Variants in PAIP1 observed in about 807,000 individuals in gnomAD.
PAIP1 encodes poly(A) binding protein interacting protein 1.
PAIP1 carries 16 observed loss-of-function variants against 61.3 expected under a neutral mutation model. The observed-to-expected ratio is 0.26, with a 90% CI of 0.18 to 0.40. The LOEUF is 0.40. Among genes scored for constraint, PAIP1 ranks in the 10% least tolerant of loss-of-function variants. The pLI is 1.00. For synonymous variants in PAIP1, 187 were observed against 226.2 expected, an observed-to-expected ratio of 0.83 and a Z score of 1.56; for missense variants, 416 against 600.9, an observed-to-expected ratio of 0.69 and a Z score of 3.22.
At position 43,556,050 on chromosome 5, in the gene PAIP1, G is replaced by C. The variant is rs974555981; in HGVS notation, c.266-51C>G. The C allele has an allele frequency of 3.8e-6, 6 of 1,576,654 alleles. No homozygotes were observed. The Admixed American group carries it at 9.3e-5, about 25-fold the overall frequency. On this transcript the variant is annotated intron_variant, in intron 1 of 10. Coordinates refer to ENST00000306846, the MANE Select transcript of PAIP1 (RefSeq NM_006451.5). The stretch of plus-strand genomic sequence containing the variant: ...TCAGATGCATTCTTTCCTTTGTACA[G>C]CAACTTGCTATATACTGAAAAACCA...
intron 9 of PAIP1, among the ~76,000 whole-genome samples, chr5:43,533,152 T>C (rs1226649889): frequency 1.3e-5 from 2 of 152,150 alleles, no homozygotes; most frequent in Non-Finnish European, 2.9e-5. Context: ...AGGAAACAAA[T>C]GGAAAAATTC....
At chr5:43,536,771 A>C (rs926289444) in intron 6 of PAIP1, 48 bp downstream of exon 6, 16 of 1,002,686 alleles carry the variant, frequency 1.6e-5, no homozygotes, top group Non-Finnish European at 2.3e-5. Flanking sequence ...CCTTCCTCTA[A>C]ATCATAAGTA....
chr5:43,539,385 C>G (rs1338198679), intron 4 of PAIP1, among the ~76,000 whole-genome samples: 1 of 151,826 alleles, frequency 6.6e-6, no homozygotes, highest in African/African-American at 2.4e-5. Flanking sequence ...TAAGAAAGCA[C>G]TGATTTTACC....
intron 1 of PAIP1, chr5:43,556,290 C>T: frequency 1.6e-6 from 2 of 1,267,294 alleles, no homozygotes; most frequent in South Asian, 3.1e-5. Flanking sequence ...TCGCTAGGGT[C>T]TCGCTTTAGA....
In PAIP1 at chr5:43,555,988, G is replaced by T. The variant is rs767785421; in HGVS notation, c.277C>A (p.Pro93Thr). The T allele has an allele frequency of 4.3e-6, 7 of 1,611,262 alleles. No homozygotes were observed. In the African/African-American group the frequency reaches 9.4e-5, roughly 22 times the overall value. Residue 93 changes from proline (P) to threonine (T), a missense_variant, in exon 2 of 11, where the codon CCC becomes ACC. Around this residue, in one of 4 missense-constraint regions of PAIP1, gnomAD observed 180 missense variants for 211.2 expected, o/e 0.85. Coordinates refer to ENST00000306846, the MANE Select transcript of PAIP1 (RefSeq NM_006451.5). ...TGTGAACTAGGTGGAGCTCTCAGGG[G>T]CCTCGTTTGCTCTGCAAAAGAAAAA... ...RPGALPEQTR[P>T]LRAPPSSQDK... is the part of the protein sequence containing the mutation.
At chr5:43,556,243 G>C (rs990089955) in intron 1 of PAIP1, 2 of 1,283,464 alleles carry the variant, frequency 1.6e-6, no homozygotes, top group African/African-American at 1.5e-5. Flanking sequence ...TTTCCTCTCT[G>C]TCGTTTTAAA....
At chr5:43,548,099 A>G (rs1747718228) in intron 2 of PAIP1, among the ~76,000 whole-genome samples, 186 bp from the exon 3 acceptor site, 1 of 152,242 alleles carries the variant, frequency 6.6e-6, no homozygotes, top group Non-Finnish European at 1.5e-5. Flanking sequence ...TATAATTAAC[A>G]GCAGAAAGGT....
Position 43,533,773 on chromosome 5 carries a change from G to GTA in PAIP1, c.1215_1216dup (p.Thr406IlefsTer58), listed in dbSNP as rs1561229063. On this transcript the variant is annotated frameshift_variant, in exon 9 of 11. Transcript: ENST00000306846. LOFTEE classifies it high-confidence loss of function. The stretch of plus-strand genomic sequence containing the variant: ...TGCAGTGAAAGGAACACCATCAGAT[G>GTA]TATAAAATGTTGGTTCATTCTAGGA... The GTA allele has an allele frequency of 6.3e-7, 1 of 1,580,750 alleles. No individual in the cohort carries two copies. The highest frequency in any genetic ancestry group is 8.7e-7 in the Non-Finnish European group (1 of 1,149,590).
intron 2 of PAIP1, 35 bp from the exon 3 acceptor site, chr5:43,547,948 A>G (rs2111574763): frequency 1.4e-6 from 2 of 1,423,528 alleles, no homozygotes; most frequent in Non-Finnish European, 2.0e-6. Flanking sequence ...ATTTTAATCT[A>G]TGCAACTGGC....
chr5:43,542,867 TA>T, intron 4 of PAIP1, 136 bp downstream of exon 4: 1 of 484,510 alleles, frequency 2.1e-6, no homozygotes, highest in East Asian at 3.4e-5. Context: ...TACTGAACTA[TA>T]AACTTCAAAT....
At chr5:43,531,642 G>A (rs1425546292) in intron 9 of PAIP1, among the ~76,000 whole-genome samples, 3 of 52,400 alleles carry the variant, frequency 5.7e-5, no homozygotes, top group Non-Finnish European at 1.4e-4. Context: ...GGGTAACAGA[G>A]TGAGACTCTG....
chr5:43,542,121 A>G (rs1747438460), intron 4 of PAIP1, among the ~76,000 whole-genome samples: 1 of 151,362 alleles, frequency 6.6e-6, no homozygotes, highest in South Asian at 2.1e-4. Context: ...GGTTGCAGTG[A>G]GCCAAGACTG....
In PAIP1 at chr5:43,556,617, C is replaced by T; in HGVS notation, c.230G>A (p.Ser77Asn). Residue 77 changes from serine (S) to asparagine (N), a missense_variant, in exon 1 of 11, where the codon AGC becomes AAC. By Grantham distance (46) the Ser-to-Asn change is conservative. Coordinates refer to ENST00000306846, the MANE Select transcript of PAIP1 (RefSeq NM_006451.5). ...PPGAQCEVPA[S>N]PQRPSRPGAL... Reference sequence around the variant, plus strand: ...CCCGGGCCGGGAAGGCCGCTGGGGGCTGGCGGGGACCTCGCACTGGGCCCC... The same window carrying T: ...CCCGGGCCGGGAAGGCCGCTGGGGGTTGGCGGGGACCTCGCACTGGGCCCC... The T allele has an allele frequency of 3.2e-6, 4 of 1,257,012 alleles. No homozygotes were observed. Among genetic ancestry groups the T allele is most frequent in the Non-Finnish European group, 3.0e-6 (3 of 998,264 alleles). 77.9% of individuals were successfully genotyped at this position (1,257,012 alleles called of 1,614,324 possible). A position where few individuals can be genotyped will look rare whatever the true frequency, so the allele number is the denominator to read the frequency against.
At chr5:43,556,358 C>G in intron 1 of PAIP1, 1 of 1,233,906 alleles carries the variant, frequency 8.1e-7, no homozygotes, top group South Asian at 4.1e-5. Context: ...TCCGAGACCG[C>G]GCACCCGGCC....
intron 3 of PAIP1, among the ~76,000 whole-genome samples, chr5:43,546,177 CATT>C (rs548268365): frequency 2.6e-5 from 4 of 152,298 alleles, no homozygotes; most frequent in Admixed American, 2.6e-4. Context: ...ACCTATGCAT[CATT>C]GATCATAGAA....
chr5:43,557,130 G>A (rs984271237), upstream of PAIP1: 4 of 387,212 alleles, frequency 1.0e-5, no homozygotes, highest in East Asian at 2.0e-4. Flanking sequence ...GGGCGCAGGC[G>A]GGTCACAGCG....
At chr5:43,553,032 T>C (rs144375214) in intron 2 of PAIP1, among the ~76,000 whole-genome samples, 33 of 149,778 alleles carry the variant, frequency 2.2e-4, no homozygotes, top group African/African-American at 7.0e-4. Flanking sequence ...GGGAAGTAAC[T>C]TGAAGAGGGA....
chr5:43,544,037 G>C (rs1310866497), intron 3 of PAIP1, among the ~76,000 whole-genome samples: 1 of 151,710 alleles, frequency 6.6e-6, no homozygotes, highest in East Asian at 1.9e-4. Context: ...CAGCTACTCT[G>C]GAGGCTGAGG....
intron 4 of PAIP1, 71 bp downstream of exon 4, chr5:43,542,933 A>G: frequency 1.2e-6 from 1 of 804,732 alleles, no homozygotes; most frequent in Admixed American, 2.0e-5. Flanking sequence ...TTTATAATAT[A>G]TGGTCTGAGG....
Sources: gnomAD v4.1 joint callset for allele counts (sites outside exome capture counted in the v4.1 genomes callset) on GRCh38, gnomAD v4.1.1 for gene constraint, gnomAD v4.1.1 regional missense constraint, MANE v1.5 for transcripts, NCBI Gene and HGNC (gene_info 2026-07-23, HGNC 2026-07-21) for gene names.